Variants in PPARGC1A observed in about 807,000 individuals in gnomAD.
PPARGC1A encodes peroxisome proliferator-activated receptor gamma coactivator 1-alpha.
PPARGC1A carries 25 observed loss-of-function variants against 88.7 expected under a neutral mutation model. That is an observed-to-expected ratio of 0.28 (90% confidence interval 0.21 to 0.39). The LOEUF (loss-of-function observed/expected upper bound fraction) is 0.39, where lower values mean the gene tolerates loss of function less well. Among genes scored for constraint, PPARGC1A ranks in the 10% least tolerant of loss-of-function variants. The pLI is 1.00. For missense variants in PPARGC1A, 880 were observed against 968.7 expected (o/e 0.91, Z 1.22); for synonymous variants, 363 against 355.6 (o/e 1.02, Z -0.24).
At chr4:24,134,765 T>C in the PPARGC1A span, among the ~76,000 whole-genome samples, 1 of 152,358 alleles carries the variant, frequency 6.6e-6, no homozygotes, top group Non-Finnish European at 1.5e-5. Context: ...TTTGGTTCAC[T>C]TTTTTTCCAG....
the PPARGC1A span, among the ~76,000 whole-genome samples, chr4:24,039,854 C>A: frequency 2.0e-5 from 3 of 152,152 alleles, no homozygotes; most frequent in African/African-American, 7.2e-5. Context: ...GCCACCACCA[C>A]CACCACCATC....
the PPARGC1A span, among the ~76,000 whole-genome samples, chr4:24,075,781 C>G: frequency 6.6e-6 from 1 of 152,150 alleles, no homozygotes; most frequent in Non-Finnish European, 1.5e-5. Context: ...GTGAGGCCTT[C>G]CCAGCCACAT....
intron 2 of PPARGC1A, among the ~76,000 whole-genome samples, chr4:23,867,819 T>C (rs1016703139): frequency 1.4e-4 from 21 of 152,232 alleles, no homozygotes; most frequent in East Asian, 9.6e-4. Flanking sequence ...AGTAAACTTG[T>C]ACAATCATGC....
the PPARGC1A span, among the ~76,000 whole-genome samples, chr4:24,040,162 T>C: frequency 1.3e-5 from 2 of 152,202 alleles, no homozygotes; most frequent in South Asian, 2.1e-4. Flanking sequence ...ACACACTGAC[T>C]AGGTATCTTT....
chr4:24,094,071 T>G, the PPARGC1A span, among the ~76,000 whole-genome samples: 1 of 152,144 alleles, frequency 6.6e-6, no homozygotes, highest in Non-Finnish European at 1.5e-5. Context: ...AACAGGCACT[T>G]GATTCTCAGC....
chr4:23,839,981 GAC>G (rs1577464201), intron 2 of PPARGC1A, among the ~76,000 whole-genome samples: 1 of 152,006 alleles, frequency 6.6e-6, no homozygotes, highest in East Asian at 1.9e-4. Context: ...TTTGGGTGGG[GAC>G]ACAGAGCCAA....
At chr4:24,420,847 C>T in the PPARGC1A span, among the ~76,000 whole-genome samples, 3 of 152,136 alleles carry the variant, frequency 2.0e-5, no homozygotes, top group Non-Finnish European at 4.4e-5. Context: ...AAATTTACTG[C>T]TCACAATTCT....
At chr4:23,892,208 A>G (rs1444150131), upstream of PPARGC1A, among the ~76,000 whole-genome samples, 1 of 152,158 alleles carries the variant, frequency 6.6e-6, no homozygotes, top group Non-Finnish European at 1.5e-5. Context: ...ATTTTTTGCC[A>G]TCTAATTCTA....
chr4:24,138,714 A>G, the PPARGC1A span, among the ~76,000 whole-genome samples: 1 of 152,084 alleles, frequency 6.6e-6, no homozygotes, highest in Non-Finnish European at 1.5e-5. Context: ...CACAATGGCA[A>G]AGGCCTTTGG....
At chr4:23,910,220 A>AT in the PPARGC1A span, among the ~76,000 whole-genome samples, 7 of 105,190 alleles carry the variant, frequency 6.7e-5, no homozygotes, top group Non-Finnish European at 1.3e-4. Context: ...TATATAATAT[A>AT]TAATATATTA....
intron 2 of PPARGC1A, among the ~76,000 whole-genome samples, chr4:23,832,959 T>G (rs1332960072): frequency 1.3e-5 from 2 of 152,134 alleles, no homozygotes; most frequent in Admixed American, 6.5e-5. Flanking sequence ...TATTCTACCT[T>G]GTTTTTGATT....
chr4:23,856,344 C>A (rs1291019848), intron 2 of PPARGC1A, among the ~76,000 whole-genome samples: 1 of 152,192 alleles, frequency 6.6e-6, no homozygotes, highest in Non-Finnish European at 1.5e-5. Context: ...TTAGTCATTG[C>A]AAACACTGTT....
the PPARGC1A span, among the ~76,000 whole-genome samples, chr4:24,417,057 A>G: frequency 1.3e-5 from 2 of 151,636 alleles, no homozygotes; most frequent in Admixed American, 6.6e-5. Flanking sequence ...AAAGAGTGGA[A>G]AAGGAGAAAT....
chr4:23,854,937 T>G (rs1729921473), intron 2 of PPARGC1A, among the ~76,000 whole-genome samples: 1 of 152,180 alleles, frequency 6.6e-6, no homozygotes, highest in African/African-American at 2.4e-5. Flanking sequence ...ATGATTTGGC[T>G]GTGTCTCCAT....
At chr4:24,334,957 A>G in the PPARGC1A span, among the ~76,000 whole-genome samples, 4 of 152,200 alleles carry the variant, frequency 2.6e-5, no homozygotes, top group African/African-American at 9.7e-5. Context: ...GACTAATTGT[A>G]AGCACTTGTA....
At chr4:23,958,111 CTT>C in the PPARGC1A span, among the ~76,000 whole-genome samples, 1 of 152,202 alleles carries the variant, frequency 6.6e-6, no homozygotes, top group South Asian at 2.1e-4. Context: ...AGGAATGAAA[CTT>C]TTACTTGCTT....
chr4:24,428,390 TC>T, the PPARGC1A span, among the ~76,000 whole-genome samples: 1 of 152,318 alleles, frequency 6.6e-6, no homozygotes, highest in East Asian at 1.9e-4. Context: ...CTTATTTTAC[TC>T]TCTATTCTTT....
At chr4:23,998,105 G>T in the PPARGC1A span, among the ~76,000 whole-genome samples, 1 of 152,170 alleles carries the variant, frequency 6.6e-6, no homozygotes, top group African/African-American at 2.4e-5. Context: ...TTCTCCACAT[G>T]ACCCCTGGCA....
At chr4:24,059,586 C>T in the PPARGC1A span, among the ~76,000 whole-genome samples, 1 of 152,198 alleles carries the variant, frequency 6.6e-6, no homozygotes, top group Non-Finnish European at 1.5e-5. Flanking sequence ...ACTCTCCACC[C>T]GTGCCCATCG....
Sources: gnomAD v4.1 joint callset for allele counts (sites outside exome capture counted in the v4.1 genomes callset) on GRCh38, gnomAD v4.1.1 for gene constraint, MANE v1.5 for transcripts, NCBI Gene and HGNC (gene_info 2026-07-23, HGNC 2026-07-21) for gene names.